Variants in TMEM62 observed in about 807,000 individuals in gnomAD.
The protein encoded by TMEM62 is transmembrane protein 62.
Under a neutral mutation model 70.4 loss-of-function variants are expected in TMEM62, and 41 were observed. The observed-to-expected ratio is 0.58, with a 90% CI of 0.45 to 0.76. The LOEUF (loss-of-function observed/expected upper bound fraction) is 0.76. Among genes scored for constraint, TMEM62 ranks in the 30% least tolerant of loss-of-function variants. The probability of loss-of-function intolerance (pLI) is 0.00; values close to 1 mark genes in which losing one functional copy is unlikely to be tolerated. For missense variants in TMEM62, 688 were observed against 788.5 expected (o/e 0.87, Z 1.53); for synonymous variants, 268 against 291.0 (o/e 0.92, Z 0.80).
chr15:43,146,701 A>T (rs1046267815), intron 5 of TMEM62, 67 bp downstream of exon 5: 132 of 1,309,746 alleles, frequency 1.0e-4, no homozygotes, highest in Non-Finnish European at 1.2e-4. Context: ...TGGATCACTT[A>T]AAGTTATCAA....
At chr15:43,150,675 C>T (rs1024299843) in intron 7 of TMEM62, among the ~76,000 whole-genome samples, 1 of 152,180 alleles carries the variant, frequency 6.6e-6, no homozygotes, top group African/African-American at 2.4e-5. Flanking sequence ...TGGGATGAGT[C>T]AGTAATTCAG....
intron 9 of TMEM62, among the ~76,000 whole-genome samples, chr15:43,155,971 C>T (rs1184270351): frequency 6.6e-6 from 1 of 151,998 alleles, no homozygotes; most frequent in Non-Finnish European, 1.5e-5. Context: ...ATAATCATTA[C>T]CAAAATAGAG....
chr15:43,144,890 T>C (rs1045254826), intron 4 of TMEM62, among the ~76,000 whole-genome samples: 1 of 152,132 alleles, frequency 6.6e-6, no homozygotes, highest in South Asian at 2.1e-4. Flanking sequence ...GTTTCTTACC[T>C]TTGTATTTTT....
intron 8 of TMEM62, 140 bp from the exon 9 acceptor site, chr15:43,154,532 A>G (rs2037802831): frequency 3.2e-6 from 2 of 628,816 alleles, no homozygotes; most frequent in Non-Finnish European, 4.8e-6. Flanking sequence ...ACCAGATCAT[A>G]TCAATAGTGG....
chr15:43,184,196 T>G, intron 13 of TMEM62, 64 bp from the exon 14 acceptor site: 1 of 1,385,374 alleles, frequency 7.2e-7, no homozygotes, highest in Non-Finnish European at 1.0e-6. Flanking sequence ...CCACTAATAA[T>G]GCATTATTAA....
At chr15:43,136,366 A>C (rs1385530730) in intron 3 of TMEM62, among the ~76,000 whole-genome samples, 1 of 152,200 alleles carries the variant, frequency 6.6e-6, no homozygotes, top group East Asian at 1.9e-4. Flanking sequence ...ATAGAACTGT[A>C]AGTCACAAAG....
chr15:43,135,200 A>C (rs1024275379), intron 2 of TMEM62, among the ~76,000 whole-genome samples: 2 of 152,234 alleles, frequency 1.3e-5, no homozygotes, highest in Non-Finnish European at 2.9e-5. Flanking sequence ...TTTCTTATAA[A>C]TCATTTTCAT....
chr15:43,148,368 T>A (rs2036933295), intron 5 of TMEM62, among the ~76,000 whole-genome samples: 1 of 152,212 alleles, frequency 6.6e-6, no homozygotes, highest in Non-Finnish European at 1.5e-5. Flanking sequence ...TTGGCTATTA[T>A]CAGAGCTGTT....
intron 4 of TMEM62, among the ~76,000 whole-genome samples, chr15:43,142,815 G>T (rs1307332775): frequency 6.6e-6 from 1 of 151,540 alleles, no homozygotes; most frequent in Admixed American, 6.6e-5. Flanking sequence ...GACCACAGGC[G>T]TGAGCCACCA....
At chr15:43,139,950 T>C (rs559575650) in intron 4 of TMEM62, among the ~76,000 whole-genome samples, 21 of 152,332 alleles carry the variant, frequency 1.4e-4, no homozygotes, top group African/African-American at 3.8e-4. Flanking sequence ...CAACAGATTT[T>C]CCATGTAAAT....
At chr15:43,169,703 A>G in intron 11 of TMEM62, 26 bp downstream of exon 11, 2 of 1,586,800 alleles carry the variant, frequency 1.3e-6, no homozygotes, top group Non-Finnish European at 1.7e-6. Context: ...TTTTATTCCT[A>G]TAAGCCTTGT....
chr15:43,135,880 TTTA>T (rs984689482), intron 3 of TMEM62: 229 of 361,226 alleles, frequency 6.3e-4, no homozygotes, highest in Middle Eastern at 2.3e-3. Context: ...TGCTTCTTTT[TTTA>T]TTATTATTAT....
Position 43,154,838 on chromosome 15 carries a change from T to C in TMEM62, c.1182+7T>C. On this transcript the variant is annotated splice_region_variant and intron_variant, in intron 9 of 13. Coordinates refer to ENST00000260403, the MANE Select transcript of TMEM62 (RefSeq NM_024956.4). ...CATAGAAGTAATCGTCCAGGTAAGT[T>C]AGTAATTTATATTTACTATGTAAAT... 1 of 1,586,644 alleles carries C rather than the reference T, an allele frequency of 6.3e-7. No homozygotes were observed. Among genetic ancestry groups the C allele is most frequent in the Non-Finnish European group, 8.6e-7 (1 of 1,168,470 alleles).
At chr15:43,147,028 A>G (rs1161039492) in intron 5 of TMEM62, among the ~76,000 whole-genome samples, 1 of 152,122 alleles carries the variant, frequency 6.6e-6, no homozygotes, top group Non-Finnish European at 1.5e-5. Flanking sequence ...CAGTGGTGTG[A>G]TTTCAGCTCA....
At chr15:43,148,572 T>C (rs1454548691) in intron 5 of TMEM62, among the ~76,000 whole-genome samples, 183 bp from the exon 6 acceptor site, 1 of 152,190 alleles carries the variant, frequency 6.6e-6, no homozygotes, top group Non-Finnish European at 1.5e-5. Context: ...TCAAATGAAA[T>C]ATAATGTATG....
At chr15:43,169,897 C>A in intron 11 of TMEM62, 1 of 449,116 alleles carries the variant, frequency 2.2e-6, no homozygotes, top group Non-Finnish European at 3.9e-6. Context: ...AGACATAAAG[C>A]AATACATGGA....
chr15:43,144,133 T>C (rs963161423), intron 4 of TMEM62, among the ~76,000 whole-genome samples: 1 of 152,232 alleles, frequency 6.6e-6, no homozygotes, highest in African/African-American at 2.4e-5. Flanking sequence ...AAGCAAAAAG[T>C]GTGTCCAATC....
At chr15:43,183,308 C>T (rs980918218) in intron 13 of TMEM62, among the ~76,000 whole-genome samples, 1 of 152,222 alleles carries the variant, frequency 6.6e-6, no homozygotes, top group Non-Finnish European at 1.5e-5. Flanking sequence ...TGCCTCCTTA[C>T]TCTCAGCTTA....
chr15:43,142,196 T>C (rs982888827), intron 4 of TMEM62, among the ~76,000 whole-genome samples: 2 of 147,074 alleles, frequency 1.4e-5, no homozygotes, highest in Non-Finnish European at 3.0e-5. Flanking sequence ...GATGGAGGCT[T>C]GCTCTGTCAC....
Sources: gnomAD v4.1 joint callset for allele counts (sites outside exome capture counted in the v4.1 genomes callset) on GRCh38, gnomAD v4.1.1 for gene constraint, MANE v1.5 for transcripts, NCBI Gene and HGNC (gene_info 2026-07-23, HGNC 2026-07-21) for gene names.